KCNIP4: variants seen among roughly 807,000 people sequenced by gnomAD.
The protein encoded by KCNIP4 is Kv channel-interacting protein 4.
A neutral mutation model predicts 34.0 loss-of-function variants in KCNIP4; 12 were observed. That is an observed-to-expected ratio of 0.35 (90% confidence interval 0.23 to 0.57). The LOEUF (loss-of-function observed/expected upper bound fraction) is 0.57. Among genes scored for constraint, KCNIP4 ranks in the 20% least tolerant of loss-of-function variants. The pLI, the probability that KCNIP4 is intolerant of heterozygous loss-of-function variation, is 0.83. For synonymous variants in KCNIP4, 124 were observed against 102.2 expected (o/e 1.21, Z -1.29); for missense variants, 238 against 311.7 (o/e 0.76, Z 1.78).
chr4:20,900,861 C>A (rs1352320107), intron 1 of KCNIP4, among the ~76,000 whole-genome samples: 13 of 151,704 alleles, frequency 8.6e-5, no homozygotes, highest in African/African-American at 3.1e-4. Context: ...CTGGAGAAAG[C>A]AATATTGTGT....
chr4:20,788,253 T>A (rs1712261015), intron 3 of KCNIP4, among the ~76,000 whole-genome samples: 1 of 152,168 alleles, frequency 6.6e-6, no homozygotes, highest in Non-Finnish European at 1.5e-5. Flanking sequence ...TTCAGATAAA[T>A]ACATAAAGAT....
At chr4:21,805,462 G>A (rs1721237078) in intron 1 of KCNIP4, among the ~76,000 whole-genome samples, 2 of 152,092 alleles carry the variant, frequency 1.3e-5, no homozygotes, top group South Asian at 4.1e-4. Context: ...CCACCACCAT[G>A]TAAGAAGTGC....
intron 1 of KCNIP4, among the ~76,000 whole-genome samples, chr4:21,040,177 G>A (rs1041207695): frequency 4.6e-5 from 7 of 152,170 alleles, no homozygotes; most frequent in South Asian, 2.1e-4. Context: ...TTCAAGATGA[G>A]ATTCGGGTGG....
chr4:21,169,370 T>G (rs1245301081), intron 1 of KCNIP4, among the ~76,000 whole-genome samples: 1 of 151,988 alleles, frequency 6.6e-6, no homozygotes, highest in East Asian at 1.9e-4. Flanking sequence ...CAGGCTGGTT[T>G]GGAGCTCCTG....
chr4:21,176,912 A>G (rs909296810), intron 1 of KCNIP4, among the ~76,000 whole-genome samples: 15 of 152,234 alleles, frequency 9.9e-5, no homozygotes, highest in African/African-American at 3.6e-4. Context: ...AGTTTTATCT[A>G]TCTCACATGT....
At chr4:21,108,232 G>A (rs1194611785) in intron 1 of KCNIP4, among the ~76,000 whole-genome samples, 1 of 148,950 alleles carries the variant, frequency 6.7e-6, no homozygotes, top group Non-Finnish European at 1.5e-5. Flanking sequence ...TCACTTTCAG[G>A]TACACCAATC....
intron 1 of KCNIP4, among the ~76,000 whole-genome samples, chr4:20,999,787 A>C (rs1029396099): frequency 6.6e-6 from 1 of 152,204 alleles, no homozygotes; most frequent in African/African-American, 2.4e-5. Context: ...TTTTCAGAAA[A>C]AAAAATACCA....
intron 3 of KCNIP4, among the ~76,000 whole-genome samples, chr4:20,778,825 A>G (rs765077620): frequency 6.6e-6 from 1 of 152,204 alleles, no homozygotes; most frequent in Admixed American, 6.5e-5. Context: ...TTTATGTAAG[A>G]GTATAAGAAT....
At chr4:21,382,882 C>T (rs1486649804) in intron 1 of KCNIP4, among the ~76,000 whole-genome samples, 1 of 152,132 alleles carries the variant, frequency 6.6e-6, no homozygotes, top group Admixed American at 6.6e-5. Context: ...ACTGTGTATA[C>T]AACAGTGATT....
chr4:21,058,247 C>T lies in KCNIP4; in HGVS notation c.62-175538G>A, dbSNP rs149125620. Among the ~76,000 whole-genome samples the T allele has an allele frequency of 3.3e-4, 50 of 152,030 alleles. No homozygotes were observed. The East Asian group carries it at 8.7e-3, about 26-fold the overall frequency. The stretch of plus-strand genomic sequence containing the variant: ...TACCTTGGGGGCATATATGGTGAGT[C>T]CAAAGATTGGTGGCCAAGAATAATA... On this transcript the variant is annotated intron_variant, in intron 1 of 8. Transcript: ENST00000382152.
intron 8 of KCNIP4, 83 bp downstream of exon 8, chr4:20,731,923 C>G (rs1011331669): frequency 6.4e-7 from 1 of 1,570,146 alleles, no homozygotes; most frequent in Non-Finnish European, 8.6e-7. Flanking sequence ...TATATTTCGC[C>G]CAGTTCATGG....
chr4:21,860,033 G>A (rs1179004027), intron 1 of KCNIP4, among the ~76,000 whole-genome samples: 1 of 152,170 alleles, frequency 6.6e-6, no homozygotes, highest in Non-Finnish European at 1.5e-5. Flanking sequence ...TGAGAGAGAC[G>A]CTATCTAAAA....
Position 20,757,652 on chromosome 4 carries a change from C to T in KCNIP4, c.358+1169G>A, listed in dbSNP as rs537369870. On this transcript the variant is annotated intron_variant, in intron 4 of 8. Coordinates refer to ENST00000382152, the MANE Select transcript of KCNIP4 (RefSeq NM_025221.6). Reference sequence around the variant, plus strand: ...GTCATGTCCCTACTGCCTTTTAAAGCGGGAAGACATCATACTCAGAAGTGA... The same window carrying T: ...GTCATGTCCCTACTGCCTTTTAAAGTGGGAAGACATCATACTCAGAAGTGA... 7.9e-5 allele frequency among the ~76,000 whole-genome samples: 12 copies of T among 152,186 alleles called. No individual in the cohort carries two copies. The South Asian group carries it at 1.7e-3, about 21-fold the overall frequency.
intron 1 of KCNIP4, among the ~76,000 whole-genome samples, chr4:21,608,507 G>A (rs528923232): frequency 2.0e-5 from 3 of 152,218 alleles, no homozygotes; most frequent in South Asian, 2.1e-4. Flanking sequence ...AATGGTGGCC[G>A]AGTCCTTCTT....
chr4:21,265,094 G>A (rs551390640), intron 1 of KCNIP4, among the ~76,000 whole-genome samples: 20 of 150,812 alleles, frequency 1.3e-4, no homozygotes, highest in East Asian at 1.2e-3. Context: ...GCGAGACTCT[G>A]CCTCAAATAA....
At chr4:20,880,940 C>T (rs1010114343) in intron 2 of KCNIP4, among the ~76,000 whole-genome samples, 4 of 152,156 alleles carry the variant, frequency 2.6e-5, no homozygotes, top group Admixed American at 6.5e-5. Context: ...TGTATCTAAA[C>T]TATAATTTTA....
intron 1 of KCNIP4, among the ~76,000 whole-genome samples, chr4:21,295,219 C>T (rs1168661480): frequency 6.6e-6 from 1 of 152,088 alleles, no homozygotes; most frequent in Non-Finnish European, 1.5e-5. Context: ...CTTGCGCTCA[C>T]ACGAAAGATT....
At chr4:21,794,512 C>A (rs937571395) in intron 1 of KCNIP4, among the ~76,000 whole-genome samples, 9 of 152,164 alleles carry the variant, frequency 5.9e-5, no homozygotes, top group African/African-American at 2.2e-4. Flanking sequence ...ACGAGGGATG[C>A]TGTAAATATA....
At chr4:21,491,991 A>G (rs1468681494) in intron 1 of KCNIP4, among the ~76,000 whole-genome samples, 1 of 152,184 alleles carries the variant, frequency 6.6e-6, no homozygotes, top group African/African-American at 2.4e-5. Flanking sequence ...CTGGCACAGG[A>G]TCTTAGAAGT....
Sources: allele counts gnomAD v4.1 joint callset (sites outside exome capture counted in the v4.1 genomes callset), GRCh38; gene constraint gnomAD v4.1.1; transcripts MANE v1.5; gene names NCBI Gene and HGNC (gene_info 2026-07-23, HGNC 2026-07-21).